Variants in SH3D19 observed in about 807,000 individuals in gnomAD.
SH3D19 encodes SH3 domain containing 19.
SH3D19 carries 58 observed loss-of-function variants against 112.1 expected under a neutral mutation model. The ratio of observed to expected loss-of-function variants is 0.52; its 90% CI spans 0.42 to 0.64. The LOEUF (loss-of-function observed/expected upper bound fraction) is 0.64. Ranked by LOEUF, SH3D19 falls within the 30% of genes least tolerant of loss-of-function variation. SH3D19 has a pLI of 0.00. For synonymous variants in SH3D19, 391 were observed against 448.5 expected (o/e 0.87, Z 1.62); for missense variants, 1,090 against 1,263.4 (o/e 0.86, Z 2.08).
intron 2 of SH3D19, among the ~76,000 whole-genome samples, chr4:151,199,168 T>C (rs1019648809): frequency 4.6e-5 from 7 of 152,164 alleles, no homozygotes; most frequent in African/African-American, 1.7e-4. Flanking sequence ...AATTTCTAGA[T>C]TTGGGAGCCC....
At chr4:151,290,042 C>G (rs1775173185) in intron 1 of SH3D19, among the ~76,000 whole-genome samples, 1 of 152,208 alleles carries the variant, frequency 6.6e-6, no homozygotes, top group Non-Finnish European at 1.5e-5. Flanking sequence ...GTAAACATGG[C>G]TCAAGCAATA....
chr4:151,167,394 CCT>C (rs1391276904), intron 7 of SH3D19, among the ~76,000 whole-genome samples: 1 of 151,350 alleles, frequency 6.6e-6, no homozygotes, highest in African/African-American at 2.4e-5. Context: ...AAAAAGAAAA[CCT>C]CTTGTAATCT....
chr4:151,298,277 A>T (rs1289500486), intron 1 of SH3D19, among the ~76,000 whole-genome samples: 1 of 142,064 alleles, frequency 7.0e-6, no homozygotes, highest in Non-Finnish European at 1.5e-5. Context: ...TCCCAGGTTC[A>T]AGAGATTCTC....
In SH3D19 at chr4:151,263,243, G is replaced by C. The variant is rs1772515745; in HGVS notation, c.113-37157C>G. ...GAGCCTGGGGAAGTGCAGAAGCAGA[G>C]AACTTGAGGGTTAAAGGAATCTGGA... On this transcript the variant is annotated intron_variant, in intron 1 of 19. Coordinates refer to ENST00000604030, the MANE Select transcript of SH3D19 (RefSeq NM_001378122.1). Among the ~76,000 whole-genome samples the C allele has an allele frequency of 2.6e-5, 4 of 152,296 alleles. No individual in the cohort carries two copies. In the South Asian group the frequency reaches 8.3e-4, roughly 32 times the overall value.
At chr4:151,244,836 T>C (rs545648780) in intron 1 of SH3D19, among the ~76,000 whole-genome samples, 4 of 152,330 alleles carry the variant, frequency 2.6e-5, no homozygotes, top group African/African-American at 7.2e-5. Context: ...TTCTCTGTTG[T>C]AGAGAATTCA....
At chr4:151,222,247 A>ACTGT (rs1266145224) in intron 2 of SH3D19, among the ~76,000 whole-genome samples, 1 of 152,150 alleles carries the variant, frequency 6.6e-6, no homozygotes, top group African/African-American at 2.4e-5. Context: ...AGTTCTCTCC[A>ACTGT]CTGTGTCCTT....
At chr4:151,136,776 T>G (rs1487234145) in intron 14 of SH3D19, among the ~76,000 whole-genome samples, 1 of 152,198 alleles carries the variant, frequency 6.6e-6, no homozygotes, top group African/African-American at 2.4e-5. Flanking sequence ...TAATATTAAT[T>G]TACAGAATGT....
At chr4:151,193,209 T>C (rs533638782) in intron 2 of SH3D19, among the ~76,000 whole-genome samples, 9 of 152,298 alleles carry the variant, frequency 5.9e-5, no homozygotes, top group African/African-American at 2.2e-4. Flanking sequence ...CAGTTGCCAG[T>C]TACATCTCAC....
At chr4:151,138,307 A>C (rs994266831) in intron 13 of SH3D19, among the ~76,000 whole-genome samples, 1 of 152,246 alleles carries the variant, frequency 6.6e-6, no homozygotes, top group Non-Finnish European at 1.5e-5. Context: ...CCAAAACAAA[A>C]ATCAGCCTAT....
At chr4:151,194,745 TTCA>T (rs74316565) in intron 2 of SH3D19, among the ~76,000 whole-genome samples, 105,124 of 151,622 alleles carry the variant, frequency 0.69, 41,511 homozygotes, top group Non-Finnish European at 0.89. Flanking sequence ...TGATGATTTC[TTCA>T]TTTTTCGTCA....
chr4:151,211,935 A>T (rs1210375350), intron 2 of SH3D19, among the ~76,000 whole-genome samples: 1 of 152,254 alleles, frequency 6.6e-6, no homozygotes, highest in East Asian at 1.9e-4. Context: ...TATCCAGCAG[A>T]TCTAGCTAAC....
intron 7 of SH3D19, among the ~76,000 whole-genome samples, chr4:151,171,252 A>C (rs1366822174): frequency 2.0e-5 from 3 of 151,272 alleles, no homozygotes; most frequent in East Asian, 3.9e-4. Flanking sequence ...TCACTGAATT[A>C]ATGGCTATTT....
chr4:151,238,823 T>C (rs756893913), intron 1 of SH3D19, among the ~76,000 whole-genome samples: 1 of 152,144 alleles, frequency 6.6e-6, no homozygotes, highest in Non-Finnish European at 1.5e-5. Flanking sequence ...CTTGACAAAC[T>C]ACCTGAGGAT....
At chr4:151,226,490 T>C (rs1769022279) in intron 1 of SH3D19, 5 of 987,962 alleles carry the variant, frequency 5.1e-6, no homozygotes, top group African/African-American at 1.7e-5. Context: ...TCTAACAGAA[T>C]GGGGAGGGGG....
At chr4:151,240,788 G>A (rs534684855) in intron 1 of SH3D19, among the ~76,000 whole-genome samples, 1 of 151,492 alleles carries the variant, frequency 6.6e-6, no homozygotes, top group Non-Finnish European at 1.5e-5. Context: ...TTCTACTCAG[G>A]TTTATATCAA....
intron 3 of SH3D19, among the ~76,000 whole-genome samples, chr4:151,185,525 G>A (rs989474198): frequency 6.6e-6 from 1 of 151,958 alleles, no homozygotes; most frequent in African/African-American, 2.4e-5. Flanking sequence ...GCCCGTCATC[G>A]CCTGCCACCC....
At chr4:151,269,019 G>T (rs1773032224) in intron 1 of SH3D19, among the ~76,000 whole-genome samples, 1 of 152,192 alleles carries the variant, frequency 6.6e-6, no homozygotes, top group African/African-American at 2.4e-5. Context: ...TTGCCATACT[G>T]ACTTCCACAA....
At chr4:151,286,967 G>T (rs1241088389) in intron 1 of SH3D19, among the ~76,000 whole-genome samples, 1 of 140,842 alleles carries the variant, frequency 7.1e-6, no homozygotes, top group East Asian at 2.1e-4. Context: ...GTGACAGAGT[G>T]AGATTCTGTC....
At chr4:151,209,602 C>A (rs1367147948) in intron 2 of SH3D19, among the ~76,000 whole-genome samples, 4 of 152,182 alleles carry the variant, frequency 2.6e-5, no homozygotes, top group Non-Finnish European at 5.9e-5. Flanking sequence ...TCTTAAAAAT[C>A]ATTTTGGATT....
Sources: gnomAD v4.1 joint callset for allele counts (sites outside exome capture counted in the v4.1 genomes callset) on GRCh38, gnomAD v4.1.1 for gene constraint, MANE v1.5 for transcripts, NCBI Gene and HGNC (gene_info 2026-07-23, HGNC 2026-07-21) for gene names.